SLC9B1: variants seen among roughly 807,000 people sequenced by gnomAD.
The protein encoded by SLC9B1 is solute carrier family 9 member B1, also known as sodium/hydrogen exchanger 9B1.
A neutral mutation model predicts 51.7 loss-of-function variants in SLC9B1; 32 were observed. The observed-to-expected ratio is 0.62, with a 90% CI of 0.47 to 0.83. SLC9B1 has a LOEUF of 0.83. Among genes scored for constraint, SLC9B1 ranks in the 40% least tolerant of loss-of-function variants. The pLI is 0.00. For synonymous variants in SLC9B1, 145 were observed against 212.7 expected (o/e 0.68, Z 2.77); for missense variants, 406 against 613.2 (o/e 0.66, Z 3.57).
intron 3 of SLC9B1, among the ~76,000 whole-genome samples, chr4:102,949,690 T>G (rs1318480940): frequency 1.3e-5 from 2 of 152,192 alleles, no homozygotes; most frequent in East Asian, 1.9e-4. Flanking sequence ...CCAGGTGCAG[T>G]GGCTCACACC....
At chr4:102,969,531 A>C (rs2110497083) in intron 3 of SLC9B1, among the ~76,000 whole-genome samples, 1 of 152,356 alleles carries the variant, frequency 6.6e-6, no homozygotes, top group East Asian at 1.9e-4. Context: ...AGATGGGGGG[A>C]AACAAGAGCA....
At chr4:102,910,062 G>A (rs1399204386) in intron 9 of SLC9B1, among the ~76,000 whole-genome samples, 2 of 152,116 alleles carry the variant, frequency 1.3e-5, no homozygotes, top group South Asian at 2.1e-4. Flanking sequence ...CGATCTGTCC[G>A]CCTCCACCTC....
At chr4:102,950,954 C>T (rs1737522548) in intron 3 of SLC9B1, among the ~76,000 whole-genome samples, 1 of 152,154 alleles carries the variant, frequency 6.6e-6, no homozygotes, top group African/African-American at 2.4e-5. Context: ...GGGATGGCGC[C>T]ACTTCACTCC....
At chr4:102,995,703 G>C (rs536107795) in intron 1 of SLC9B1, among the ~76,000 whole-genome samples, 3 of 152,236 alleles carry the variant, frequency 2.0e-5, no homozygotes, top group Admixed American at 6.5e-5. Flanking sequence ...CAAGGACTTT[G>C]AGTTGAGAAA....
At chr4:102,944,269 T>C (rs2110471593) in intron 6 of SLC9B1, among the ~76,000 whole-genome samples, 1 of 152,244 alleles carries the variant, frequency 6.6e-6, no homozygotes, top group Admixed American at 6.5e-5. Flanking sequence ...AAAAACTACC[T>C]ATTGGGTATT....
At chr4:102,973,024 C>A (rs903802647) in intron 3 of SLC9B1, among the ~76,000 whole-genome samples, 1 of 152,076 alleles carries the variant, frequency 6.6e-6, no homozygotes, top group African/African-American at 2.4e-5. Flanking sequence ...CTTGATCAAT[C>A]TAACAGAATG....
chr4:103,012,307 T>C (rs1741124218), intron 1 of SLC9B1, among the ~76,000 whole-genome samples: 1 of 152,224 alleles, frequency 6.6e-6, no homozygotes, highest in Admixed American at 6.5e-5. Flanking sequence ...AAGGATGACC[T>C]TTCCTCCAGT....
At chr4:102,975,758 G>T (rs190569913) in intron 3 of SLC9B1, among the ~76,000 whole-genome samples, 1 of 151,098 alleles carries the variant, frequency 6.6e-6, no homozygotes, top group African/African-American at 2.4e-5. Flanking sequence ...TAGTAGAGAT[G>T]GGGTTTCACC....
At chr4:102,899,911 C>A (rs1002971755), downstream of SLC9B1, among the ~76,000 whole-genome samples, 13 of 152,120 alleles carry the variant, frequency 8.5e-5, no homozygotes, top group African/African-American at 2.4e-4. Context: ...CAGAGTTATT[C>A]TCCCAGAGTG....
chr4:102,945,626 G>A (rs867416943), intron 5 of SLC9B1, among the ~76,000 whole-genome samples: 1 of 151,956 alleles, frequency 6.6e-6, no homozygotes, highest in African/African-American at 2.4e-5. Context: ...TATAATAATA[G>A]TGTCCTATTA....
At chr4:102,996,758 G>A (rs1740242971) in intron 1 of SLC9B1, among the ~76,000 whole-genome samples, 1 of 151,586 alleles carries the variant, frequency 6.6e-6, no homozygotes, top group Non-Finnish European at 1.5e-5. Context: ...TGGCCCATTT[G>A]TCTATCCTTA....
At chr4:102,932,861 C>T (rs188994518) in intron 6 of SLC9B1, among the ~76,000 whole-genome samples, 7 of 152,278 alleles carry the variant, frequency 4.6e-5, no homozygotes, top group African/African-American at 1.7e-4. Context: ...CCACACATTT[C>T]CTACCTCTTG....
intron 7 of SLC9B1, among the ~76,000 whole-genome samples, chr4:102,930,522 A>G (rs1386148153): frequency 6.6e-6 from 1 of 152,200 alleles, no homozygotes; most frequent in Non-Finnish European, 1.5e-5. Flanking sequence ...CTTCTGCTTC[A>G]GCCTCCTGAG....
intron 7 of SLC9B1, among the ~76,000 whole-genome samples, chr4:102,926,737 G>GA (rs916958874): frequency 4.8e-4 from 71 of 148,632 alleles, no homozygotes; most frequent in African/African-American, 1.7e-3. Context: ...CACAGAATTG[G>GA]AAAAAAAACT....
At chr4:103,008,973 G>A (rs1286982355) in intron 1 of SLC9B1, among the ~76,000 whole-genome samples, 1 of 151,922 alleles carries the variant, frequency 6.6e-6, no homozygotes, top group African/African-American at 2.4e-5. Context: ...CTAATTTTTT[G>A]TATTTTTAGT....
chr4:102,967,523 T>C (rs903862611), intron 3 of SLC9B1, among the ~76,000 whole-genome samples: 13 of 152,116 alleles, frequency 8.5e-5, no homozygotes, highest in African/African-American at 2.4e-4. Flanking sequence ...TGTATCACAA[T>C]ATGGTAGAAC....
chr4:102,969,037 C>T (rs1015440352), intron 3 of SLC9B1, among the ~76,000 whole-genome samples: 9 of 152,198 alleles, frequency 5.9e-5, no homozygotes, highest in Non-Finnish European at 1.2e-4. Flanking sequence ...CTGGGAAGCT[C>T]GAACTGGGTG....
chr4:102,909,473 T>G (rs1406235363), intron 9 of SLC9B1, among the ~76,000 whole-genome samples: 5 of 65,644 alleles, frequency 7.6e-5, no homozygotes, highest in Non-Finnish European at 1.8e-4. Flanking sequence ...TGTGGTGGTG[T>G]GCGCCTGTAA....
At chr4:102,957,722 G>T (rs1312065134) in intron 3 of SLC9B1, among the ~76,000 whole-genome samples, 2 of 152,176 alleles carry the variant, frequency 1.3e-5, no homozygotes, top group Admixed American at 6.5e-5. Context: ...GGAATAAACG[G>T]CACTGGAAGT....
Sources: allele counts gnomAD v4.1 joint callset (sites outside exome capture counted in the v4.1 genomes callset), GRCh38; gene constraint gnomAD v4.1.1; transcripts MANE v1.5; gene names NCBI Gene and HGNC (gene_info 2026-07-23, HGNC 2026-07-21).